Variants in NAV3 observed in about 807,000 individuals in gnomAD.
The protein encoded by NAV3 is neuron navigator 3.
NAV3 carries 87 observed loss-of-function variants against 244.7 expected under a neutral mutation model. The ratio of observed to expected loss-of-function variants is 0.36; its 90% CI spans 0.30 to 0.42. NAV3 has a LOEUF of 0.42. NAV3 is among the 20% of genes least tolerant of loss of function. NAV3 has a pLI of 1.00. For synonymous variants in NAV3, 1,126 were observed against 1,042.2 expected, an observed-to-expected ratio of 1.08 and a Z score of -1.55; for missense variants, 2,663 against 2,893.3, an observed-to-expected ratio of 0.92 and a Z score of 1.83.
chr12:77,815,671 A>T (rs1326361596), intron 2 of NAV3, among the ~76,000 whole-genome samples: 1 of 152,214 alleles, frequency 6.6e-6, no homozygotes, highest in African/African-American at 2.4e-5. Context: ...CAGTTGTAAT[A>T]TAAAATGTGG....
intron 2 of NAV3, among the ~76,000 whole-genome samples, chr12:77,653,079 C>T (rs1049153066): frequency 1.4e-4 from 22 of 152,258 alleles, no homozygotes; most frequent in East Asian, 9.6e-4. Flanking sequence ...TACTGTAAAA[C>T]GGGTCAGAGC....
At chr12:77,676,238 C>T (rs1874199324) in intron 2 of NAV3, among the ~76,000 whole-genome samples, 1 of 151,980 alleles carries the variant, frequency 6.6e-6, no homozygotes, top group African/African-American at 2.4e-5. Flanking sequence ...TAATGCTCTC[C>T]CTTCCCTTGC....
chr12:77,829,386 G>A (rs1334427414), upstream of NAV3, among the ~76,000 whole-genome samples: 1 of 152,140 alleles, frequency 6.6e-6, no homozygotes, highest in Non-Finnish European at 1.5e-5. Flanking sequence ...TACTCCCAAA[G>A]TTGCATATGT....
At chr12:78,019,952 C>T (rs547682488) in intron 8 of NAV3, among the ~76,000 whole-genome samples, 1 of 152,222 alleles carries the variant, frequency 6.6e-6, no homozygotes, top group African/African-American at 2.4e-5. Context: ...TCTTTATATA[C>T]ATTGGGAATT....
chr12:78,037,317 C>T, intron 9 of NAV3: 1 of 702,938 alleles, frequency 1.4e-6, no homozygotes, highest in Non-Finnish European at 2.6e-6. Flanking sequence ...AGGGACAGCT[C>T]ATCTGGATGA....
At chr12:78,205,628 G>A (rs1295522668) in intron 39 of NAV3, among the ~76,000 whole-genome samples, 1 of 151,874 alleles carries the variant, frequency 6.6e-6, no homozygotes, top group Non-Finnish European at 1.5e-5. Context: ...TCAAATGGAA[G>A]TTATGGTTTA....
chr12:78,103,605 A>G (rs1258009237), intron 12 of NAV3, among the ~76,000 whole-genome samples: 1 of 152,188 alleles, frequency 6.6e-6, no homozygotes, highest in African/African-American at 2.4e-5. Flanking sequence ...CATACCCAAG[A>G]CTGGAAAGAA....
chr12:78,059,207 T>G, intron 12 of NAV3, 92 bp downstream of exon 12: 1 of 1,108,754 alleles, frequency 9.0e-7, no homozygotes, highest in South Asian at 1.7e-5. Context: ...ACAGTGTAAA[T>G]CAAAGGACTT....
chr12:77,978,844 T>C (rs1275347424), intron 5 of NAV3, among the ~76,000 whole-genome samples: 1 of 151,924 alleles, frequency 6.6e-6, no homozygotes, highest in Non-Finnish European at 1.5e-5. Context: ...TCTAATAAGA[T>C]ATAAAACAAA....
intron 9 of NAV3, among the ~76,000 whole-genome samples, chr12:78,047,354 A>G (rs1156969088): frequency 6.6e-6 from 1 of 152,064 alleles, no homozygotes; most frequent in East Asian, 1.9e-4. Flanking sequence ...AGGCCTGGCA[A>G]CGGGTGCCTG....
rs147842330 is a variant in NAV3, at chr12:77,972,401, C to A, written c.671+3699C>A. ...GACTTGATTAACCAAGTAATCAATT[C>A]TTTAAAATTTAAATATATTTGATAT... On this transcript the variant is annotated intron_variant, in intron 5 of 39. Transcript: ENST00000397909. 8.7e-3 allele frequency among the ~76,000 whole-genome samples: 1,316 copies of A among 152,112 alleles called. 19 individuals are homozygous for A. Among genetic ancestry groups the A allele is most frequent in the African/African-American group, 0.03 (1,255 of 41,504 alleles).
intron 12 of NAV3, among the ~76,000 whole-genome samples, chr12:78,060,666 G>A (rs988800760): frequency 2.0e-5 from 3 of 152,070 alleles, no homozygotes; most frequent in Non-Finnish European, 4.4e-5. Context: ...AAATAGAGTG[G>A]TAAATGAGTT....
At chr12:77,880,316 A>G (rs183556582) in intron 1 of NAV3, among the ~76,000 whole-genome samples, 10 of 152,302 alleles carry the variant, frequency 6.6e-5, no homozygotes, top group African/African-American at 2.2e-4. Flanking sequence ...TAGTGAAATC[A>G]CATCATATAA....
At chr12:77,592,726 C>G (rs1869967085) in intron 2 of NAV3, among the ~76,000 whole-genome samples, 1 of 152,172 alleles carries the variant, frequency 6.6e-6, no homozygotes, top group Non-Finnish European at 1.5e-5. Flanking sequence ...CTAAATTCCT[C>G]CAAATGTTTT....
rs917523739 is a variant in NAV3, at chr12:77,699,539, G to C, written c.72+127273G>C. On this transcript the variant is annotated intron_variant, in intron 2 of 8. Transcript: ENST00000550042. Reference sequence around the variant, plus strand: ...CTAAGCTGAAAAGACTTGAAAGGCAGGAGTTTACTTGAATGGCTGGGGGAA... The same window carrying C: ...CTAAGCTGAAAAGACTTGAAAGGCACGAGTTTACTTGAATGGCTGGGGGAA... 5.9e-4 allele frequency among the ~76,000 whole-genome samples: 90 copies of C among 152,232 alleles called. 1 individual carries two copies. Among genetic ancestry groups the C allele is most frequent in the Non-Finnish European group, 2.4e-4 (16 of 68,000 alleles).
chr12:78,096,009 G>T (rs1954230496), intron 12 of NAV3, among the ~76,000 whole-genome samples: 1 of 152,148 alleles, frequency 6.6e-6, no homozygotes, highest in South Asian at 2.1e-4. Flanking sequence ...AAATCCTACA[G>T]ATAAATTTCA....
intron 12 of NAV3, among the ~76,000 whole-genome samples, chr12:78,095,693 G>T (rs988182291): frequency 3.9e-5 from 6 of 152,180 alleles, no homozygotes; most frequent in African/African-American, 1.4e-4. Context: ...GCAGATGGAG[G>T]AAATAAAGAT....
chr12:78,162,913 T>TTA (rs1310857700), intron 23 of NAV3, among the ~76,000 whole-genome samples: 16 of 112,016 alleles, frequency 1.4e-4, no homozygotes, highest in Non-Finnish European at 1.9e-4. Context: ...AATATATATA[T>TTA]TATATAATAT....
Position 77,994,794 on chromosome 12 carries a change from C to T in NAV3, c.672-9C>T, listed in dbSNP as rs1045928643. On this transcript the variant is annotated splice_polypyrimidine_tract_variant and intron_variant, in intron 5 of 39. Coordinates refer to ENST00000397909, the MANE Select transcript of NAV3 (RefSeq NM_001024383.2). The stretch of plus-strand genomic sequence containing the variant: ...CTTTAATTCAATTTCTCTGTTTCTC[C>T]TCATACAGTCTGGCAGCCAGATATG... 20 of 1,604,176 alleles carry T rather than the reference C, an allele frequency of 1.2e-5. No individual in the cohort carries two copies. Among genetic ancestry groups the T allele is most frequent in the Non-Finnish European group, 1.6e-5 (19 of 1,175,234 alleles).
Sources: gnomAD v4.1 joint callset for allele counts (sites outside exome capture counted in the v4.1 genomes callset) on GRCh38, gnomAD v4.1.1 for gene constraint, MANE v1.5 for transcripts, NCBI Gene and HGNC (gene_info 2026-07-23, HGNC 2026-07-21) for gene names.